The following ARAP2 variants were observed in gnomAD, a reference collection of about 807,000 sequenced individuals.
The protein encoded by ARAP2 is arf-GAP with Rho-GAP domain, ANK repeat and PH domain-containing protein 2.
ARAP2 carries 148 observed loss-of-function variants against 194.5 expected under a neutral mutation model. The ratio of observed to expected loss-of-function variants is 0.76; its 90% confidence interval spans 0.67 to 0.87. The LOEUF (loss-of-function observed/expected upper bound fraction) is 0.87. Among genes scored for constraint, ARAP2 ranks in the 40% least tolerant of loss-of-function variants. The probability of loss-of-function intolerance (pLI) is 0.00; values close to 1 mark genes in which losing one functional copy is unlikely to be tolerated. For missense variants in ARAP2, 2,128 were observed against 1,989.7 expected (o/e 1.07, Z -1.32); for synonymous variants, 695 against 683.5 (o/e 1.02, Z -0.26).
At chr4:36,140,758 A>T (rs1266078620) in intron 19 of ARAP2, among the ~76,000 whole-genome samples, 1 of 151,756 alleles carries the variant, frequency 6.6e-6, no homozygotes, top group African/African-American at 2.4e-5. Flanking sequence ...ATTGTGAAAC[A>T]TACTGATAAA....
chr4:36,080,689 C>T (rs905467686), intron 30 of ARAP2, among the ~76,000 whole-genome samples: 1 of 152,258 alleles, frequency 6.6e-6, no homozygotes, highest in Middle Eastern at 3.4e-3. Flanking sequence ...AAGGCTGAGA[C>T]ATAGTCTCCA....
At chr4:36,185,924 G>A (rs1740444540) in intron 8 of ARAP2, among the ~76,000 whole-genome samples, 1 of 151,672 alleles carries the variant, frequency 6.6e-6, no homozygotes, top group Non-Finnish European at 1.5e-5. Flanking sequence ...GTTGCAGTGA[G>A]CCGAGATTGC....
chr4:36,157,314 A>G (rs1732791375), intron 15 of ARAP2: 1 of 152,180 alleles, frequency 6.6e-6, no homozygotes, highest in African/African-American at 2.4e-5. Flanking sequence ...ACTGTCCAAG[A>G]ACTTTCATCT....
chr4:36,145,204 T>C (rs1324846888), intron 19 of ARAP2, among the ~76,000 whole-genome samples: 1 of 151,732 alleles, frequency 6.6e-6, no homozygotes, highest in Non-Finnish European at 1.5e-5. Context: ...AAAAAAATGG[T>C]TCTACCAAAA....
chr4:36,173,969 C>T (rs949483751), intron 9 of ARAP2, among the ~76,000 whole-genome samples: 4 of 152,164 alleles, frequency 2.6e-5, no homozygotes, highest in Non-Finnish European at 5.9e-5. Context: ...TAATCATCAT[C>T]ATCATCAGAA....
intron 1 of ARAP2, among the ~76,000 whole-genome samples, chr4:36,059,579 G>A (rs369687338): frequency 5.9e-5 from 9 of 152,180 alleles, no homozygotes; most frequent in Admixed American, 4.6e-4. Context: ...GGAACTCAGT[G>A]AGTAGATTCA....
At chr4:36,152,314 T>G (rs1340490646) in intron 15 of ARAP2, among the ~76,000 whole-genome samples, 1 of 152,172 alleles carries the variant, frequency 6.6e-6, no homozygotes, top group Non-Finnish European at 1.5e-5. Flanking sequence ...TCACAGTGTA[T>G]GTCCTGCACA....
rs869236110 is a variant in ARAP2 at position 36,014,297 on chromosome 4, G to GAAAGA, written n.1056+1088_1056+1089insTCTTT. 6.1e-5 allele frequency among the ~76,000 whole-genome samples: 8 copies of GAAAGA among 130,114 alleles called. No individual in the cohort carries two copies. In the East Asian group the frequency reaches 1.8e-3, roughly 29 times the overall value. 85.4% of individuals were successfully genotyped at this position (130,114 alleles called of 152,430 possible). A position where few individuals can be genotyped will look rare whatever the true frequency, so the allele number is the denominator to read the frequency against. ...AGAAAGAAAGAAAGAAAGAAAGAAA[G>GAAAGA]AAGAGAAGGAAGGAAAGAAAGAAAG... On this transcript the variant is annotated intron_variant and non_coding_transcript_variant, in intron 8 of 12. Coordinates refer to the ARAP2 transcript ENST00000503225.
intron 8 of ARAP2, among the ~76,000 whole-genome samples, chr4:36,182,306 C>T (rs1739476355): frequency 6.6e-6 from 1 of 152,080 alleles, no homozygotes; most frequent in Non-Finnish European, 1.5e-5. Context: ...TCCTGGCTAA[C>T]ACGGTGAAAC....
intron 9 of ARAP2, among the ~76,000 whole-genome samples, chr4:36,008,243 C>G (rs1024245643): frequency 6.6e-6 from 1 of 151,976 alleles, no homozygotes; most frequent in African/African-American, 2.4e-5. Flanking sequence ...CAAAGTAATC[C>G]TAAGCAAAAA....
chr4:36,238,328 C>A (rs1752822562), intron 1 of ARAP2, among the ~76,000 whole-genome samples: 1 of 152,132 alleles, frequency 6.6e-6, no homozygotes. Flanking sequence ...TGTTTGCAAA[C>A]CATTTTTGTA....
chr4:36,067,991 T>C lies in ARAP2; in HGVS notation c.5031A>G (p.Ser1677=), dbSNP rs34878999. Reference sequence around the variant, plus strand: ...CCACATTAAGTTCTTCAATTACCCTTGATGGTAACTTATGATCAGAGTCCA... The same window carrying C: ...CCACATTAAGTTCTTCAATTACCCTCGATGGTAACTTATGATCAGAGTCCA... ...ATLDSDHKLP[S]RVIEELNVVL... The change falls in exon 33 of 33, where the codon TCA becomes TCG. Residue 1677 remains serine, a synonymous_variant. Transcript: ENST00000303965. The C allele has an allele frequency of 6.2e-7, 1 of 1,614,166 alleles. No individual in the cohort carries two copies.
At chr4:36,220,383 G>A (rs1330460089) in intron 2 of ARAP2, among the ~76,000 whole-genome samples, 3 of 152,130 alleles carry the variant, frequency 2.0e-5, no homozygotes, top group Non-Finnish European at 2.9e-5. Context: ...AGTACAACAC[G>A]TTATTCATGT....
intron 6 of ARAP2, among the ~76,000 whole-genome samples, chr4:36,198,330 T>C (rs938488937): frequency 1.3e-5 from 2 of 152,146 alleles, no homozygotes; most frequent in African/African-American, 4.8e-5. Context: ...AACTGGTCCA[T>C]GGGCAGTCAT....
At chr4:36,105,381 A>G (rs1449430251) in intron 27 of ARAP2, among the ~76,000 whole-genome samples, 3 of 151,968 alleles carry the variant, frequency 2.0e-5, no homozygotes, top group African/African-American at 7.2e-5. Context: ...TCTCTGAAAC[A>G]TCACTTAAGC....
intron 2 of ARAP2, among the ~76,000 whole-genome samples, chr4:36,221,346 TA>T (rs531320430): frequency 1.1e-3 from 168 of 151,760 alleles, no homozygotes; most frequent in Non-Finnish European, 1.7e-3. Flanking sequence ...AGCATACAGA[TA>T]AAAAAAATGA....
chr4:36,016,947 C>T (rs550257231), intron 6 of ARAP2, among the ~76,000 whole-genome samples: 43 of 151,980 alleles, frequency 2.8e-4, no homozygotes, highest in Non-Finnish European at 5.7e-4. Flanking sequence ...TTTCTATTCT[C>T]GTAAGTCTGA....
intron 5 of ARAP2, among the ~76,000 whole-genome samples, chr4:36,026,690 T>C (rs1469658377): frequency 6.6e-6 from 1 of 152,172 alleles, no homozygotes; most frequent in Non-Finnish European, 1.5e-5. Context: ...ATCAAGAACA[T>C]GTTTGACTCT....
intron 7 of ARAP2, 23 bp downstream of exon 7, chr4:36,193,555 T>G: frequency 2.0e-6 from 3 of 1,530,264 alleles, no homozygotes; most frequent in Non-Finnish European, 2.6e-6. Flanking sequence ...AAGCAATTTT[T>G]GAAAACTGTA....
Sources: gnomAD v4.1 joint callset for allele counts (sites outside exome capture counted in the v4.1 genomes callset) on GRCh38, gnomAD v4.1.1 for gene constraint, MANE v1.5 for transcripts, NCBI Gene and HGNC (gene_info 2026-07-23, HGNC 2026-07-21) for gene names.